Variants in KLHL4 observed in about 807,000 individuals in gnomAD.
KLHL4 encodes kelch-like protein 4.
A neutral mutation model predicts 45.8 loss-of-function variants in KLHL4; 17 were observed. That is an observed-to-expected ratio of 0.37 (90% confidence interval 0.25 to 0.56). KLHL4 has a LOEUF of 0.56. Among genes scored for constraint, KLHL4 ranks in the 20% least tolerant of loss-of-function variants. KLHL4 has a pLI of 0.79. For missense variants in KLHL4, 544 were observed against 544.9 expected, an observed-to-expected ratio of 1.00 and a Z score of 0.02; for synonymous variants, 224 against 189.9, an observed-to-expected ratio of 1.18 and a Z score of -1.47.
chrX:87,632,257 C>T lies in KLHL4; in HGVS notation c.1372C>T (p.His458Tyr), dbSNP rs762197051. 1.7e-6 allele frequency: 2 copies of T among 1,207,340 alleles called. No homozygotes were observed. Among genetic ancestry groups the T allele is most frequent in the Admixed American group, 4.4e-5 (2 of 45,962 alleles). ...KYDLRTNSWL[H>Y]IGTMNGRRLQ... is the part of the protein sequence containing the mutation. ...TGACCTCAGGACCAACAGTTGGCTA[C>T]ATATTGGCACCATGAATGGCCGTAG... is the stretch of plus-strand genomic sequence containing the variant. Residue 458 changes from histidine (H) to tyrosine (Y), a missense_variant, in exon 7 of 11, where the codon CAT becomes TAT. His to Tyr is a moderately conservative substitution (Grantham distance 83). Coordinates refer to ENST00000373119, the MANE Select transcript of KLHL4 (RefSeq NM_019117.5).
At chrX:87,539,066 T>C (rs1323995867) in intron 1 of KLHL4, among the ~76,000 whole-genome samples, 3 of 111,634 alleles carry the variant, frequency 2.7e-5, no homozygotes, top group Non-Finnish European at 5.7e-5. Context: ...TAATTTGTAA[T>C]GTTCACGAAA....
intron 1 of KLHL4, among the ~76,000 whole-genome samples, chrX:87,548,478 A>G (rs1470604972): frequency 2.7e-5 from 3 of 111,843 alleles, no homozygotes; most frequent in African/African-American, 9.7e-5. Flanking sequence ...ACAGAATATT[A>G]TAACACTGTA....
At chrX:87,537,517 G>A (rs1211336388) in intron 1 of KLHL4, among the ~76,000 whole-genome samples, 2 of 110,262 alleles carry the variant, frequency 1.8e-5, no homozygotes, top group Non-Finnish European at 3.8e-5. Flanking sequence ...TAGATAGGTC[G>A]ATATATAGAT....
chrX:87,662,640 C>T (rs896784669), intron 9 of KLHL4, among the ~76,000 whole-genome samples: 2 of 111,206 alleles, frequency 1.8e-5, no homozygotes, highest in African/African-American at 6.5e-5. Flanking sequence ...TAGAAAGTCA[C>T]TTAAAGGGGC....
chrX:87,579,843 G>C (rs1921216823), intron 1 of KLHL4, among the ~76,000 whole-genome samples: 1 of 112,020 alleles, frequency 8.9e-6, no homozygotes, highest in Non-Finnish European at 1.9e-5. Context: ...GAGTTATTCA[G>C]GTTGCAATGT....
chrX:87,600,841 G>C (rs1390544541), intron 1 of KLHL4, among the ~76,000 whole-genome samples: 1 of 111,661 alleles, frequency 9.0e-6, no homozygotes, highest in African/African-American at 3.3e-5. Context: ...TCTTCACGAA[G>C]ATTTGATAGT....
At chrX:87,557,787 G>A (rs955871740) in intron 1 of KLHL4, among the ~76,000 whole-genome samples, 4 of 110,765 alleles carry the variant, frequency 3.6e-5, no homozygotes, top group African/African-American at 6.6e-5. Flanking sequence ...GAAAATATTT[G>A]TTGGGTACAT....
rs764360610 is a variant in KLHL4, at chrX:87,637,304, C to A, written c.1925+1529C>A. ...AGGGGAGAGCACCACATCAAGGGAT[C>A]ACCCCCATAGGACAAAAGAATCTGA... On this transcript the variant is annotated intron_variant, in intron 9 of 10. Transcript: ENST00000373119. Among the ~76,000 whole-genome samples, 9 of 111,955 alleles carry A rather than the reference C, an allele frequency of 8.0e-5. No homozygotes were observed. In the East Asian group the frequency reaches 2.6e-3, roughly 32 times the overall value.
At chrX:87,641,842 T>C (rs1450254086) in intron 9 of KLHL4, among the ~76,000 whole-genome samples, 1 of 110,232 alleles carries the variant, frequency 9.1e-6, no homozygotes, top group Admixed American at 9.6e-5. Flanking sequence ...ACAGCTCCGG[T>C]GACCCGGGAA....
At chrX:87,586,980 C>T (rs1003000926) in intron 1 of KLHL4, among the ~76,000 whole-genome samples, 1 of 109,006 alleles carries the variant, frequency 9.2e-6, no homozygotes, top group Non-Finnish European at 1.9e-5. Context: ...TCAATAGTGG[C>T]TGCTGTGAGC....
chrX:87,561,373 G>C (rs181309280), intron 1 of KLHL4, among the ~76,000 whole-genome samples: 23 of 110,900 alleles, frequency 2.1e-4, no homozygotes, highest in African/African-American at 7.5e-4. Flanking sequence ...TTGAGGGAGG[G>C]GAAAGCAAAG....
chrX:87,518,826 C>T (rs1402256098), intron 1 of KLHL4, among the ~76,000 whole-genome samples: 1 of 111,656 alleles, frequency 9.0e-6, no homozygotes, highest in Non-Finnish European at 1.9e-5. Flanking sequence ...ATTTGGCGTT[C>T]GGAGACTCAT....
At chrX:87,565,268 A>G (rs1932181257) in intron 1 of KLHL4, among the ~76,000 whole-genome samples, 2 of 112,102 alleles carry the variant, frequency 1.8e-5, no homozygotes, top group African/African-American at 6.5e-5. Flanking sequence ...AATAAGAGCA[A>G]AAAGAGCACA....
At chrX:87,584,221 A>G (rs945502970) in intron 1 of KLHL4, among the ~76,000 whole-genome samples, 1 of 111,716 alleles carries the variant, frequency 9.0e-6, no homozygotes, top group South Asian at 3.7e-4. Context: ...ATATCTGGAA[A>G]CCCTTCCCAT....
At chrX:87,556,221 A>G (rs1931969083) in intron 1 of KLHL4, among the ~76,000 whole-genome samples, 1 of 111,002 alleles carries the variant, frequency 9.0e-6, no homozygotes. Flanking sequence ...ACACATGCAC[A>G]CGTATATTTA....
At position 87,650,792 on chromosome X, in the gene KLHL4, T is replaced by A. The variant is rs547095579; in HGVS notation, c.1926-13972T>A. On this transcript the variant is annotated intron_variant, in intron 9 of 10. Transcript: ENST00000373119. ...ACCTGAGACTGGGAAGAAAAAGATG[T>A]TTAATGGACTCACAGTTCCACGTGG... Among the ~76,000 whole-genome samples the A allele has an allele frequency of 3.0e-4, 34 of 111,894 alleles. No individual in the cohort carries two copies. In the South Asian group the frequency reaches 0.012, roughly 38 times the overall value.
chrX:87,543,424 C>T (rs1276816824), intron 1 of KLHL4, among the ~76,000 whole-genome samples: 1 of 111,226 alleles, frequency 9.0e-6, no homozygotes, highest in Non-Finnish European at 1.9e-5. Flanking sequence ...ACAATACCTG[C>T]TTTTAACTTC....
At chrX:87,635,451 G>A (rs1172030526) in intron 8 of KLHL4, 112 bp from the exon 9 acceptor site, 3 of 535,723 alleles carry the variant, frequency 5.6e-6, no homozygotes, top group Non-Finnish European at 9.0e-6. Context: ...AGACCCTTCA[G>A]AAACTTGAAA....
intron 4 of KLHL4, among the ~76,000 whole-genome samples, chrX:87,620,702 C>T (rs759511630): frequency 1.1e-4 from 12 of 112,314 alleles, no homozygotes; most frequent in South Asian, 7.2e-4. Flanking sequence ...GCAAACAAAA[C>T]GCAGTAAGCA....
Sources: allele counts gnomAD v4.1 joint callset (sites outside exome capture counted in the v4.1 genomes callset), GRCh38; gene constraint gnomAD v4.1.1; transcripts MANE v1.5; gene names NCBI Gene and HGNC (gene_info 2026-07-23, HGNC 2026-07-21).